Variants in LARGE1 observed in about 807,000 individuals in gnomAD.
LARGE1 encodes LARGE xylosyl- and glucuronyltransferase 1.
LARGE1 carries 43 observed loss-of-function variants against 87.6 expected under a neutral mutation model. That is an observed-to-expected ratio of 0.49 (90% confidence interval 0.38 to 0.63). The LOEUF is 0.63. LARGE1 is among the 30% of genes least tolerant of loss of function. The pLI is 0.00. For missense variants in LARGE1, 802 were observed against 1,000.2 expected, an observed-to-expected ratio of 0.80 and a Z score of 2.67; for synonymous variants, 434 against 394.6, an observed-to-expected ratio of 1.10 and a Z score of -1.18.
chr22:33,441,372 C>T (rs2067470844), intron 6 of LARGE1, among the ~76,000 whole-genome samples: 1 of 152,054 alleles, frequency 6.6e-6, no homozygotes, highest in African/African-American at 2.4e-5. Context: ...CCACAGCCAG[C>T]CTCTTTGAAC....
intron 6 of LARGE1, among the ~76,000 whole-genome samples, chr22:33,556,455 T>C (rs1220865663): frequency 6.7e-6 from 1 of 148,976 alleles, no homozygotes; most frequent in African/African-American, 2.5e-5. Context: ...CCTCAGAAGG[T>C]AGTAAATTAA....
At chr22:33,401,687 G>A (rs2065930294) in intron 7 of LARGE1, among the ~76,000 whole-genome samples, 1 of 152,192 alleles carries the variant, frequency 6.6e-6, no homozygotes, top group African/African-American at 2.4e-5. Context: ...ATGCGCAGAA[G>A]TGAGATTATA....
chr22:33,892,859 A>G (rs1156282614), intron 1 of LARGE1, among the ~76,000 whole-genome samples: 2 of 152,262 alleles, frequency 1.3e-5, no homozygotes, highest in African/African-American at 2.4e-5. Flanking sequence ...AAATAAATCA[A>G]TATTCCCATT....
chr22:33,789,269 C>T (rs1032504799), intron 1 of LARGE1, among the ~76,000 whole-genome samples: 1 of 152,218 alleles, frequency 6.6e-6, no homozygotes, highest in Non-Finnish European at 1.5e-5. Flanking sequence ...CTTCCACATG[C>T]TGTTGGGCCT....
rs1419061175 is a variant in LARGE1, at chr22:33,316,234, C to T, written c.1302G>A (p.Leu434=). 6.2e-7 allele frequency: 1 copy of T among 1,613,764 alleles called. No homozygotes were observed. The highest frequency in any genetic ancestry group is 8.5e-7 in the Non-Finnish European group (1 of 1,179,928). The part of the protein sequence containing the change: ...DVNSENLQKQ[L]SELDEDDLCY... ...ACAGGTCGTCCTCGTCCAGCTCAGA[C>T]AGCTGCTTCTGGAGCTGCAGGGTAG... Residue 434 remains leucine (L), a synonymous_variant, in exon 11 of 15, where the codon CTG becomes CTA. Transcript: ENST00000397394.
chr22:33,143,181 T>C, the LARGE1 span, among the ~76,000 whole-genome samples: 2 of 151,976 alleles, frequency 1.3e-5, no homozygotes, highest in African/African-American at 4.8e-5. Flanking sequence ...CAAAACAAAG[T>C]TGATTGGCAT....
At chr22:33,700,218 T>C (rs1012416652) in intron 2 of LARGE1, among the ~76,000 whole-genome samples, 20 of 152,164 alleles carry the variant, frequency 1.3e-4, no homozygotes, top group Admixed American at 3.3e-4. Flanking sequence ...TCCCAAGACC[T>C]GCTAACTCAG....
At chr22:33,565,356 TA>T (rs1225552832) in intron 5 of LARGE1, among the ~76,000 whole-genome samples, 8 of 152,198 alleles carry the variant, frequency 5.3e-5, no homozygotes, top group Non-Finnish European at 1.2e-4. Context: ...TGCAAAAACA[TA>T]AAGGTCCAAA....
intron 7 of LARGE1, among the ~76,000 whole-genome samples, chr22:33,405,077 T>C (rs960433860): frequency 6.6e-6 from 1 of 152,222 alleles, no homozygotes; most frequent in African/African-American, 2.4e-5. Context: ...AAGCTCTGTG[T>C]CCTTTATTTT....
chr22:33,470,044 C>T (rs2068767799), intron 6 of LARGE1, among the ~76,000 whole-genome samples: 3 of 151,376 alleles, frequency 2.0e-5, no homozygotes. Context: ...CTCCTGCCAC[C>T]ACGCCCGGCT....
intron 1 of LARGE1, among the ~76,000 whole-genome samples, chr22:33,785,268 CAT>C (rs537710901): frequency 2.3e-4 from 35 of 150,492 alleles, no homozygotes; most frequent in African/African-American, 8.3e-4. Context: ...TGTATATGTG[CAT>C]ATGTGTATAT....
At chr22:33,286,626 A>T (rs560860597) in intron 12 of LARGE1, among the ~76,000 whole-genome samples, 12 of 152,348 alleles carry the variant, frequency 7.9e-5, no homozygotes, top group African/African-American at 2.2e-4. Context: ...CTGGGGCCCC[A>T]GATTGCATTT....
chr22:33,552,994 C>T (rs2077574871), intron 6 of LARGE1, among the ~76,000 whole-genome samples: 1 of 152,154 alleles, frequency 6.6e-6, no homozygotes, highest in Non-Finnish European at 1.5e-5. Flanking sequence ...TGTACTTTCC[C>T]CACTGAGATA....
At chr22:33,262,901 C>T (rs1249691812) in intron 11 of LARGE1, among the ~76,000 whole-genome samples, 6 of 150,712 alleles carry the variant, frequency 4.0e-5, no homozygotes, top group Non-Finnish European at 8.9e-5. Context: ...CCTCCCCTTC[C>T]GTTCTTTCTT....
chr22:33,894,901 G>C (rs2065092810), intron 1 of LARGE1, among the ~76,000 whole-genome samples: 1 of 152,176 alleles, frequency 6.6e-6, no homozygotes, highest in African/African-American at 2.4e-5. Flanking sequence ...TCACATGGGA[G>C]CCAGTCCCGG....
At chr22:33,761,600 T>C in intron 1 of LARGE1, 42 bp from the exon 2 acceptor site, 1 of 752,172 alleles carries the variant, frequency 1.3e-6, no homozygotes, top group Non-Finnish European at 2.4e-6. Context: ...TTCTTAGCAC[T>C]GGAGATGGGT....
At chr22:33,322,284 A>G (rs1357957829) in intron 10 of LARGE1, among the ~76,000 whole-genome samples, 1 of 152,194 alleles carries the variant, frequency 6.6e-6, no homozygotes, top group Non-Finnish European at 1.5e-5. Flanking sequence ...GAACCTAGCA[A>G]TATCCAGGTT....
At chr22:33,844,267 A>G (rs2063365332) in intron 1 of LARGE1, among the ~76,000 whole-genome samples, 1 of 152,160 alleles carries the variant, frequency 6.6e-6, no homozygotes, top group Admixed American at 6.5e-5. Flanking sequence ...AAAATGATTA[A>G]GTGTTCAACA....
chr22:33,800,091 C>T (rs907510166), intron 1 of LARGE1, among the ~76,000 whole-genome samples: 5 of 152,144 alleles, frequency 3.3e-5, no homozygotes, highest in African/African-American at 9.7e-5. Flanking sequence ...TGACTCATTC[C>T]GTTCCAAAAG....
Sources: gnomAD v4.1 joint callset for allele counts (sites outside exome capture counted in the v4.1 genomes callset) on GRCh38, gnomAD v4.1.1 for gene constraint, MANE v1.5 for transcripts, NCBI Gene and HGNC (gene_info 2026-07-23, HGNC 2026-07-21) for gene names.